Variants in MELK observed in about 807,000 individuals in gnomAD.
The protein encoded by MELK is maternal embryonic leucine zipper kinase, also known as pEg3 kinase.
Under a neutral mutation model 85.0 loss-of-function variants are expected in MELK, and 81 were observed. The observed-to-expected ratio is 0.95, with a 90% CI of 0.80 to 1.15. MELK has a LOEUF of 1.15. Among genes scored for constraint, MELK ranks in the 50% most tolerant of loss-of-function variants. MELK has a pLI of 0.00. For synonymous variants in MELK, 252 were observed against 265.0 expected, an observed-to-expected ratio of 0.95 and a Z score of 0.48; for missense variants, 754 against 777.5, an observed-to-expected ratio of 0.97 and a Z score of 0.36.
At chr9:36,669,882 T>TG (rs11377417) in intron 15 of MELK, among the ~76,000 whole-genome samples, 137,375 of 152,222 alleles carry the variant, frequency 0.9, 62,042 homozygotes, top group Admixed American at 0.92. Context: ...TCAAGACAAT[T>TG]GGAGAATTAG....
At chr9:36,575,608 GAAA>G in intron 1 of MELK, among the ~76,000 whole-genome samples, 1 of 146,972 alleles carries the variant, frequency 6.8e-6, no homozygotes, top group South Asian at 2.2e-4. Flanking sequence ...AAGAAAGAAA[GAAA>G]AAAAAAAGTG....
chr9:36,641,914 G>A (rs1378585430), intron 10 of MELK, among the ~76,000 whole-genome samples: 4 of 152,130 alleles, frequency 2.6e-5, no homozygotes, highest in African/African-American at 9.6e-5. Context: ...GCCTAAGAGA[G>A]TTATGTTGGA....
intron 1 of MELK, among the ~76,000 whole-genome samples, chr9:36,576,435 T>A (rs1821650482): frequency 6.6e-6 from 1 of 152,236 alleles, no homozygotes; most frequent in Non-Finnish European, 1.5e-5. Context: ...TGTTGAAGAC[T>A]GAACCTTGTT....
At chr9:36,585,202 C>T (rs1011843995) in intron 3 of MELK, among the ~76,000 whole-genome samples, 5 of 151,736 alleles carry the variant, frequency 3.3e-5, no homozygotes, top group Admixed American at 6.6e-5. Flanking sequence ...TGAGATAAAG[C>T]CTGTCTCTTT....
intron 8 of MELK, among the ~76,000 whole-genome samples, chr9:36,615,056 C>T (rs1404104066): frequency 3.5e-4 from 44 of 127,522 alleles, no homozygotes; most frequent in African/African-American, 1.3e-3. Flanking sequence ...GGCAGCTGGC[C>T]GGGCGGGGGG....
intron 8 of MELK, among the ~76,000 whole-genome samples, chr9:36,610,075 G>C (rs968166210): frequency 1.3e-5 from 2 of 152,182 alleles, no homozygotes; most frequent in African/African-American, 4.8e-5. Context: ...ATTCCTGATA[G>C]TACAGGTAGC....
chr9:36,606,628 T>TACATATGTATAGGTGTATATAC, intron 7 of MELK, among the ~76,000 whole-genome samples: 1 of 147,252 alleles, frequency 6.8e-6, no homozygotes, highest in African/African-American at 2.5e-5. Context: ...GGTGTATATA[T>TACATATGTATAGGTGTATATAC]GGACATATAT....
intron 8 of MELK, among the ~76,000 whole-genome samples, chr9:36,613,871 T>C (rs10758381): frequency 0.14 from 21,827 of 151,928 alleles, 1,878 homozygotes; most frequent in African/African-American, 0.23. Flanking sequence ...TTGGGCTGGG[T>C]AGGCTCTCAT....
chr9:36,652,356 C>A (rs1830794276), intron 12 of MELK, among the ~76,000 whole-genome samples: 1 of 151,360 alleles, frequency 6.6e-6, no homozygotes, highest in South Asian at 2.1e-4. Context: ...CTCTAAAATT[C>A]TGAATGTTAA....
chr9:36,664,090 TTTCTTTTA>T (rs1832110548), intron 13 of MELK, among the ~76,000 whole-genome samples: 1 of 152,168 alleles, frequency 6.6e-6, no homozygotes, highest in African/African-American at 2.4e-5. Context: ...AATATCTCTA[TTTCTTTTA>T]TTCTGTTATT....
intron 10 of MELK, among the ~76,000 whole-genome samples, chr9:36,639,905 A>G (rs1829601714): frequency 6.6e-6 from 1 of 152,076 alleles, no homozygotes; most frequent in African/African-American, 2.4e-5. Flanking sequence ...TCAAAAATTT[A>G]TTTTCTTGCT....
At chr9:36,643,791 G>A (rs775742183) in intron 11 of MELK, among the ~76,000 whole-genome samples, 15 of 151,870 alleles carry the variant, frequency 9.9e-5, no homozygotes, top group Non-Finnish European at 1.6e-4. Context: ...AAAATTAGCC[G>A]GGCGTTGTAG....
rs73439155 is a variant in MELK at position 36,650,805 on chromosome 9, G to T, written c.922-941G>T. On this transcript the variant is annotated intron_variant, in intron 11 of 17. Transcript: ENST00000298048. ...GACTGACAATTGAGTAGCTGGCTGA[G>T]AAGCCGGTCCAGAGTGGAGCAGAGG... Among the ~76,000 whole-genome samples the T allele has an allele frequency of 7.0e-3, 1,066 of 152,338 alleles. 15 individuals are homozygous for T. Among genetic ancestry groups the T allele is most frequent in the African/African-American group, 0.025 (1,032 of 41,580 alleles).
chr9:36,651,040 C>T (rs1048180070), intron 11 of MELK, among the ~76,000 whole-genome samples: 10 of 152,172 alleles, frequency 6.6e-5, no homozygotes, highest in Non-Finnish European at 1.5e-4. Flanking sequence ...AGCTGATATT[C>T]GGCCAGCATG....
At chr9:36,648,999 C>T (rs546530881) in intron 11 of MELK, among the ~76,000 whole-genome samples, 17 of 151,840 alleles carry the variant, frequency 1.1e-4, no homozygotes, top group African/African-American at 3.1e-4. Flanking sequence ...ATGCAGGGAG[C>T]GGGAGAAAAT....
At chr9:36,598,628 A>G (rs1194514594) in intron 6 of MELK, among the ~76,000 whole-genome samples, 5 of 152,182 alleles carry the variant, frequency 3.3e-5, no homozygotes, top group Admixed American at 6.5e-5. Flanking sequence ...CTTTCAAGGC[A>G]CTGTTCTATG....
At chr9:36,584,997 G>T (rs1485318186) in intron 3 of MELK, among the ~76,000 whole-genome samples, 1 of 152,084 alleles carries the variant, frequency 6.6e-6, no homozygotes, top group Non-Finnish European at 1.5e-5. Flanking sequence ...GGGTATGTAG[G>T]GGTGAGCCAC....
chr9:36,578,905 C>T (rs1457070830), intron 1 of MELK, among the ~76,000 whole-genome samples: 1 of 152,098 alleles, frequency 6.6e-6, no homozygotes, highest in Admixed American at 6.6e-5. Flanking sequence ...TGCAGTGGCA[C>T]GATCTTGGCT....
At chr9:36,597,009 ATTT>A (rs1313423021) in intron 5 of MELK, among the ~76,000 whole-genome samples, 1 of 151,904 alleles carries the variant, frequency 6.6e-6, no homozygotes, top group Non-Finnish European at 1.5e-5. Flanking sequence ...TAATTTATTT[ATTT>A]TTAAAAAGTG....
Sources: allele counts gnomAD v4.1 joint callset (sites outside exome capture counted in the v4.1 genomes callset), GRCh38; gene constraint gnomAD v4.1.1; transcripts MANE v1.5; gene names NCBI Gene and HGNC (gene_info 2026-07-23, HGNC 2026-07-21).